DNAH14: variants seen among roughly 807,000 people sequenced by gnomAD.
DNAH14 encodes the protein dynein axonemal heavy chain 14, also known as axonemal beta dynein heavy chain 14.
In DNAH14, 478 loss-of-function variants were observed where a neutral mutation model predicts 520.9. The ratio of observed to expected loss-of-function variants is 0.92; its 90% CI spans 0.85 to 0.99. The LOEUF is 0.99. Ranked by LOEUF, DNAH14 falls within the 50% of genes least tolerant of loss-of-function variation. The probability of loss-of-function intolerance (pLI) is 0.00; values close to 1 mark genes in which losing one functional copy is unlikely to be tolerated. For missense variants in DNAH14, 4,831 were observed against 5,234.5 expected (o/e 0.92, Z 2.38); for synonymous variants, 1,581 against 1,757.2 (o/e 0.90, Z 2.51).
At chr1:225,050,135 G>C in intron 15 of DNAH14, 75 bp from the exon 16 acceptor site, 1 of 1,266,722 alleles carries the variant, frequency 7.9e-7, no homozygotes, top group Non-Finnish European at 1.1e-6. Flanking sequence ...AATAGTTCTA[G>C]ATGTCATGGA....
chr1:225,186,072 C>T (rs1456933530), intron 37 of DNAH14, among the ~76,000 whole-genome samples: 1 of 149,448 alleles, frequency 6.7e-6, no homozygotes, highest in Non-Finnish European at 1.5e-5. Context: ...CTTTGAATTC[C>T]TTGCATAGTG....
chr1:225,187,288 C>A (rs1365654580), intron 37 of DNAH14, among the ~76,000 whole-genome samples: 1 of 151,786 alleles, frequency 6.6e-6, no homozygotes, highest in Non-Finnish European at 1.5e-5. Flanking sequence ...GGAGAACACC[C>A]CTTTCTCATT....
intron 34 of DNAH14, among the ~76,000 whole-genome samples, chr1:225,155,205 A>G (rs1184944667): frequency 6.6e-6 from 1 of 152,062 alleles, no homozygotes; most frequent in Non-Finnish European, 1.5e-5. Context: ...ACCTTTTCAT[A>G]TTGGTATGAT....
chr1:225,374,829 T>C lies in DNAH14; in HGVS notation c.12460T>C (p.Tyr4154His), dbSNP rs2095676081. The C allele has an allele frequency of 1.3e-6, 2 of 1,551,504 alleles. No individual in the cohort carries two copies. The highest frequency in any genetic ancestry group is 4.9e-5 in the East Asian group (2 of 40,908). ...WDKRCLKTLLYKFCNPEVLKD... is the reference protein window; with the variant it reads ...WDKRCLKTLLHKFCNPEVLKD... ...CAAGCGATGCTTGAAGACCCTACTCTACAAATTTTGTAATCCTGAAGTGCT... is the reference window on the plus strand; with the variant it reads ...CAAGCGATGCTTGAAGACCCTACTCCACAAATTTTGTAATCCTGAAGTGCT... The change falls in exon 78 of 86, where the codon TAC (tyrosine) becomes CAC (histidine). Residue 4154 changes from tyrosine to histidine, a missense_variant. Tyr to His is a moderately conservative substitution (Grantham distance 83). Transcript: ENST00000682510.
chr1:225,194,982 A>G (rs1426838685), intron 38 of DNAH14, among the ~76,000 whole-genome samples: 1 of 152,204 alleles, frequency 6.6e-6, no homozygotes, highest in Non-Finnish European at 1.5e-5. Context: ...CACACCAGTC[A>G]GAATGGCTAT....
At chr1:225,123,379 A>C (rs1287869050) in intron 26 of DNAH14, 148 bp from the exon 27 acceptor site, 1 of 189,736 alleles carries the variant, frequency 5.3e-6, no homozygotes, top group Non-Finnish European at 1.1e-5. Context: ...AGGCTCTGTT[A>C]CCTTTATTTG....
intron 36 of DNAH14, among the ~76,000 whole-genome samples, chr1:225,183,210 G>C (rs1436263456): frequency 6.6e-6 from 1 of 152,186 alleles, no homozygotes; most frequent in Admixed American, 6.5e-5. Flanking sequence ...CCCAACCCAG[G>C]CAAGAAGGGA....
At chr1:225,240,482 G>A in intron 42 of DNAH14, 111 bp from the exon 43 acceptor site, 1 of 655,480 alleles carries the variant, frequency 1.5e-6, no homozygotes, top group Non-Finnish European at 2.5e-6. Context: ...GTACCTAACT[G>A]CATTACAATT....
At chr1:225,078,852 C>G (rs1333883314) in intron 17 of DNAH14, among the ~76,000 whole-genome samples, 4 of 42,544 alleles carry the variant, frequency 9.4e-5, no homozygotes, top group Non-Finnish European at 1.8e-4. Context: ...CCCTCTCTCT[C>G]TCTCTCCCTC....
At chr1:225,252,165 C>T (rs1057111198) in intron 43 of DNAH14, 136 bp from the exon 44 acceptor site, 2 of 643,344 alleles carry the variant, frequency 3.1e-6, no homozygotes, top group East Asian at 2.9e-5. Context: ...CAGGCCTATA[C>T]ACTTGGATAT....
At chr1:224,964,906 A>G (rs535081655) in intron 5 of DNAH14, among the ~76,000 whole-genome samples, 15 of 152,190 alleles carry the variant, frequency 9.9e-5, no homozygotes, top group African/African-American at 3.1e-4. Context: ...TCTGCCTGAA[A>G]CTTGAATCTA....
At chr1:224,988,836 A>G (rs1233226060) in intron 8 of DNAH14, among the ~76,000 whole-genome samples, 5 of 152,150 alleles carry the variant, frequency 3.3e-5, no homozygotes, top group African/African-American at 4.8e-5. Flanking sequence ...TTTTACAGAT[A>G]GGGTCTCACT....
intron 1 of DNAH14, among the ~76,000 whole-genome samples, chr1:224,944,414 C>T (rs1019486000): frequency 4.6e-5 from 7 of 152,150 alleles, no homozygotes; most frequent in Non-Finnish European, 7.3e-5. Flanking sequence ...TTCCTGAATA[C>T]AGCACACTGA....
At chr1:225,204,100 A>G in intron 38 of DNAH14, 83 bp from the exon 39 acceptor site, 2 of 687,598 alleles carry the variant, frequency 2.9e-6, no homozygotes, top group South Asian at 3.0e-5. Context: ...TTATCACTCA[A>G]GAAAGCATAT....
At chr1:225,056,610 C>T (rs1439353380) in intron 17 of DNAH14, among the ~76,000 whole-genome samples, 1 of 152,184 alleles carries the variant, frequency 6.6e-6, no homozygotes, top group East Asian at 1.9e-4. Context: ...TTGCCCATGC[C>T]TATGTCCTGA....
chr1:225,318,687 C>T lies in DNAH14; in HGVS notation c.9335+10C>T. The T allele has an allele frequency of 6.5e-7, 1 of 1,535,882 alleles. No individual in the cohort carries two copies. The highest frequency in any genetic ancestry group is 1.3e-5 in the South Asian group (1 of 79,832). ...ATGTCGCTGAATTAAGGTAACTCTC[C>T]TAAGTTTCGTTTGAGTTGGAAAAGC... is the stretch of plus-strand genomic sequence containing the variant. On this transcript the variant is annotated intron_variant, in intron 61 of 85. Transcript: ENST00000682510.
intron 15 of DNAH14, among the ~76,000 whole-genome samples, chr1:225,046,553 A>G (rs1175890937): frequency 6.6e-6 from 1 of 152,162 alleles, no homozygotes; most frequent in Non-Finnish European, 1.5e-5. Flanking sequence ...CATGAATTGA[A>G]TAATCCATTC....
chr1:225,398,488 G>A, intron 84 of DNAH14, 32 bp from the exon 85 acceptor site: 1 of 1,548,516 alleles, frequency 6.5e-7, no homozygotes, highest in Middle Eastern at 1.7e-4. Context: ...CTTCTCCTGG[G>A]GATCCCTGAC....
At chr1:225,056,976 CT>C (rs1351805027) in intron 17 of DNAH14, among the ~76,000 whole-genome samples, 7 of 152,106 alleles carry the variant, frequency 4.6e-5, no homozygotes, top group African/African-American at 1.2e-4. Flanking sequence ...ATGTGTCCAG[CT>C]TTGTTCTTTT....
Sources: allele counts gnomAD v4.1 joint callset (sites outside exome capture counted in the v4.1 genomes callset), GRCh38; gene constraint gnomAD v4.1.1; transcripts MANE v1.5; gene names NCBI Gene and HGNC (gene_info 2026-07-23, HGNC 2026-07-21).